The following ITGA1 variants were observed in gnomAD, a reference collection of about 807,000 sequenced individuals.
The protein encoded by ITGA1 is integrin subunit alpha 1, also known as integrin alpha-1.
ITGA1 carries 85 observed loss-of-function variants against 145.9 expected under a neutral mutation model. The ratio of observed to expected loss-of-function variants is 0.58; its 90% CI spans 0.49 to 0.70. ITGA1 has a LOEUF of 0.70. ITGA1 is among the 30% of genes least tolerant of loss of function. The pLI is 0.00. For synonymous variants in ITGA1, 520 were observed against 495.3 expected (o/e 1.05, Z -0.66); for missense variants, 1,351 against 1,418.7 (o/e 0.95, Z 0.77).
intron 1 of ITGA1, among the ~76,000 whole-genome samples, chr5:52,829,378 T>C (rs1035267845): frequency 2.6e-5 from 4 of 152,034 alleles, no homozygotes; most frequent in Non-Finnish European, 5.9e-5. Flanking sequence ...AAAGTAATAA[T>C]GATAATAAAC....
chr5:52,877,051 G>A (rs947737516), intron 6 of ITGA1, among the ~76,000 whole-genome samples: 1 of 151,978 alleles, frequency 6.6e-6, no homozygotes, highest in Non-Finnish European at 1.5e-5. Context: ...GGAGAAAACT[G>A]GATTTTAACA....
At chr5:52,912,649 C>T (rs1056533732) in intron 14 of ITGA1, among the ~76,000 whole-genome samples, 4 of 141,482 alleles carry the variant, frequency 2.8e-5, no homozygotes, top group Admixed American at 2.1e-4. Flanking sequence ...ATACTAGATA[C>T]ACTATATATA....
At position 52,865,151 on chromosome 5, in the gene ITGA1, A is replaced by G. The variant is rs1749667329; in HGVS notation, c.496+69A>G. The G allele has an allele frequency of 2.7e-6, 3 of 1,098,128 alleles. No individual in the cohort carries two copies. In the South Asian group the frequency reaches 4.3e-5, roughly 16 times the overall value. 68.0% of individuals were successfully genotyped at this position (1,098,128 alleles called of 1,614,324 possible). A position where few individuals can be genotyped will look rare whatever the true frequency, so the allele number is the denominator to read the frequency against. On this transcript the variant is annotated intron_variant, in intron 5 of 28. Coordinates refer to ENST00000282588, the MANE Select transcript of ITGA1 (RefSeq NM_181501.2). Reference sequence around the variant, plus strand: ...GCAATGAATGAGACGTATGTATACAAAGGAACATACCAAAAAGCTTAAAGT... The same window carrying G: ...GCAATGAATGAGACGTATGTATACAGAGGAACATACCAAAAAGCTTAAAGT...
In ITGA1 at chr5:52,939,443, A is replaced by G. The variant is rs181856995; in HGVS notation, c.3079-147A>G. ...ATGTATGTATGGCTGGTGCATAACA[A>G]CCTTTCCCATACAGCACACTTACAA... is the stretch of plus-strand genomic sequence containing the variant. On this transcript the variant is annotated intron_variant, in intron 24 of 28. Transcript: ENST00000282588. The G allele has an allele frequency of 8.2e-6, 5 of 611,688 alleles. No individual in the cohort carries two copies. The Admixed American group carries it at 1.5e-4, about 18-fold the overall frequency. The allele number at this position is 611,688 out of a possible 1,614,324, so 37.9% of individuals were successfully genotyped here.
At chr5:52,808,885 G>A (rs1748640616) in intron 1 of ITGA1, among the ~76,000 whole-genome samples, 1 of 151,830 alleles carries the variant, frequency 6.6e-6, no homozygotes, top group Non-Finnish European at 1.5e-5. Context: ...GTTTTTCACA[G>A]GGTCCACATT....
chr5:52,911,987 G>GTATA (rs1561246755), intron 14 of ITGA1, among the ~76,000 whole-genome samples: 782 of 54,366 alleles, frequency 0.014, 39 homozygotes, highest in African/African-American at 0.032. Flanking sequence ...TATACTATAT[G>GTATA]TATAGTGTGT....
At chr5:52,915,382 A>G in intron 14 of ITGA1, 82 bp from the exon 15 acceptor site, 1 of 1,435,692 alleles carries the variant, frequency 7.0e-7, no homozygotes, top group South Asian at 1.3e-5. Context: ...ATTTTGTTAA[A>G]CAATTTAAAT....
Position 52,808,676 on chromosome 5 carries a change from C to CTTTCT in ITGA1, c.61+20265_61+20266insCTTTT, listed in dbSNP as rs1554041033. On this transcript the variant is annotated intron_variant, in intron 1 of 28. Coordinates refer to ENST00000282588, the MANE Select transcript of ITGA1 (RefSeq NM_181501.2). ...TTTTTTTCTTTTTCTTTCTTTCTTTCTTTTTTTTTTTTTTTTTTTTTGTTT... is the reference window on the plus strand; with the variant it reads ...TTTTTTTCTTTTTCTTTCTTTCTTTCTTTCTTTTTTTTTTTTTTTTTTTTTTGTTT... Among the ~76,000 whole-genome samples, 360 of 69,356 alleles carry CTTTCT rather than the reference C, an allele frequency of 5.2e-3. 4 individuals carry two copies. The highest frequency in any genetic ancestry group is 0.019 in the African/African-American group (307 of 15,816). 45.5% of individuals were successfully genotyped at this position (69,356 alleles called of 152,430 possible).
chr5:52,864,176 A>G (rs1022344322), intron 3 of ITGA1, among the ~76,000 whole-genome samples: 1 of 152,126 alleles, frequency 6.6e-6, no homozygotes, highest in South Asian at 2.1e-4. Context: ...GGCATGCTTC[A>G]TGCTTCAGGA....
At chr5:52,930,037 C>A (rs1750872133) in intron 21 of ITGA1, among the ~76,000 whole-genome samples, 1 of 152,078 alleles carries the variant, frequency 6.6e-6, no homozygotes, top group Non-Finnish European at 1.5e-5. Flanking sequence ...TCACTGGCTG[C>A]CCATCAAGGT....
chr5:52,940,002 C>T, intron 26 of ITGA1, 58 bp downstream of exon 26: 1 of 1,011,414 alleles, frequency 9.9e-7, no homozygotes, highest in South Asian at 1.3e-5. Context: ...TATTCATTTA[C>T]CACTTAGAAT....
intron 1 of ITGA1, among the ~76,000 whole-genome samples, chr5:52,819,919 G>T (rs1199242418): frequency 1.3e-5 from 2 of 152,064 alleles, no homozygotes; most frequent in Non-Finnish European, 2.9e-5. Context: ...TTTCCCCATT[G>T]CTTGTTTTTC....
At chr5:52,799,088 C>A (rs1748401537) in intron 1 of ITGA1, among the ~76,000 whole-genome samples, 1 of 152,158 alleles carries the variant, frequency 6.6e-6, no homozygotes. Flanking sequence ...CCAATCCACA[C>A]AGAGAAAGAC....
intron 1 of ITGA1, among the ~76,000 whole-genome samples, chr5:52,832,809 G>GTA (rs1191163286): frequency 6.9e-6 from 1 of 144,204 alleles, no homozygotes; most frequent in Non-Finnish European, 1.5e-5. Flanking sequence ...GTGTGTGTGT[G>GTA]TGTCTTCTGG....
rs1358708994 is a variant in ITGA1, at chr5:52,839,884, T to C, written c.62-9481T>C. ...GAAAGTAAGTGAAGTAGTAACTGTG[T>C]CTCCTGTTTCACCCTCATGCTTGGA... is the stretch of plus-strand genomic sequence containing the variant. On this transcript the variant is annotated intron_variant, in intron 1 of 28. Transcript: ENST00000282588. 2.5e-5 allele frequency among the ~76,000 whole-genome samples: 3 copies of C among 120,062 alleles called. No individual in the cohort carries two copies. In the Admixed American group the frequency reaches 2.6e-4, roughly 10 times the overall value. The allele number at this position is 120,062 out of a possible 152,430, so 78.8% of individuals were successfully genotyped here.
intron 2 of ITGA1, among the ~76,000 whole-genome samples, chr5:52,853,129 CA>C (rs1749454477): frequency 6.6e-6 from 1 of 152,078 alleles, no homozygotes; most frequent in Admixed American, 6.6e-5. Context: ...TTATTATTTA[CA>C]ATGATTTTAT....
chr5:52,803,992 GT>G (rs1748541968), intron 1 of ITGA1: 1 of 151,918 alleles, frequency 6.6e-6, no homozygotes, highest in Non-Finnish European at 1.5e-5. Flanking sequence ...ATAAATTTCT[GT>G]TTTTATGTCT....
At chr5:52,911,486 T>C (rs1337336071) in intron 14 of ITGA1, among the ~76,000 whole-genome samples, 1 of 129,708 alleles carries the variant, frequency 7.7e-6, no homozygotes, top group African/African-American at 2.7e-5. Context: ...ATACACTATA[T>C]ATAGTATATA....
intron 2 of ITGA1, among the ~76,000 whole-genome samples, chr5:52,856,680 C>CAGAGAGAG (rs137879951): frequency 2.0e-5 from 3 of 148,216 alleles, no homozygotes; most frequent in Admixed American, 1.4e-4. Flanking sequence ...GAAAAAGAGA[C>CAGAGAGAG]AGAGAGAGAG....
Sources: allele counts gnomAD v4.1 joint callset (sites outside exome capture counted in the v4.1 genomes callset), GRCh38; gene constraint gnomAD v4.1.1; transcripts MANE v1.5; gene names NCBI Gene and HGNC (gene_info 2026-07-23, HGNC 2026-07-21).